The following SLC24A2 variants were observed in gnomAD, a reference collection of about 807,000 sequenced individuals.
The protein encoded by SLC24A2 is solute carrier family 24 member 2, also known as sodium/potassium/calcium exchanger 2.
SLC24A2 carries 36 observed loss-of-function variants against 62.0 expected under a neutral mutation model. The observed-to-expected ratio is 0.58, with a 90% CI of 0.44 to 0.77. SLC24A2 has a LOEUF of 0.77. Among genes scored for constraint, SLC24A2 ranks in the 30% least tolerant of loss-of-function variants. The probability of loss-of-function intolerance (pLI) is 0.00; values close to 1 mark genes in which losing one functional copy is unlikely to be tolerated. For synonymous variants in SLC24A2, 358 were observed against 294.0 expected (o/e 1.22, Z -2.23); for missense variants, 846 against 817.9 (o/e 1.03, Z -0.42).
intron 7 of SLC24A2, among the ~76,000 whole-genome samples, chr9:19,560,780 T>G (rs72700495): frequency 0.14 from 20,959 of 152,182 alleles, 1,960 homozygotes; most frequent in Non-Finnish European, 0.21. Flanking sequence ...TTGTGTTCAC[T>G]TAGTTTATTT....
At chr9:20,177,427 A>C in the SLC24A2 span, among the ~76,000 whole-genome samples, 1 of 152,112 alleles carries the variant, frequency 6.6e-6, no homozygotes, top group Non-Finnish European at 1.5e-5. Context: ...TTGTTGCAGC[A>C]GAAAAATACC....
At chr9:20,118,404 A>T in the SLC24A2 span, among the ~76,000 whole-genome samples, 11 of 152,238 alleles carry the variant, frequency 7.2e-5, no homozygotes, top group African/African-American at 2.4e-4. Context: ...AAACATTATG[A>T]AAGACGAATA....
chr9:19,836,688 A>C, the SLC24A2 span, among the ~76,000 whole-genome samples: 1 of 152,236 alleles, frequency 6.6e-6, no homozygotes, highest in African/African-American at 2.4e-5. Context: ...AAACTATTCC[A>C]ATCAACAGAA....
At chr9:20,083,855 C>G in the SLC24A2 span, among the ~76,000 whole-genome samples, 541 of 152,330 alleles carry the variant, frequency 3.6e-3, 3 homozygotes, top group African/African-American at 0.012. Context: ...AGTTCAGGCT[C>G]TCATTACCTA....
At chr9:20,170,231 C>A in the SLC24A2 span, among the ~76,000 whole-genome samples, 1 of 151,790 alleles carries the variant, frequency 6.6e-6, no homozygotes, top group Admixed American at 6.6e-5. Context: ...TATAAAAATA[C>A]TTCTAGGAAT....
the SLC24A2 span, among the ~76,000 whole-genome samples, chr9:19,881,090 C>A: frequency 6.6e-6 from 1 of 152,128 alleles, no homozygotes; most frequent in Non-Finnish European, 1.5e-5. Flanking sequence ...ATACTTAGAA[C>A]TAGGCACAAA....
At chr9:19,616,320 A>G (rs191502144) in intron 4 of SLC24A2, among the ~76,000 whole-genome samples, 10 of 152,208 alleles carry the variant, frequency 6.6e-5, no homozygotes, top group Non-Finnish European at 1.2e-4. Context: ...AATCCTTACA[A>G]TAACACTATG....
Position 19,576,961 on chromosome 9 carries a change from A to T in SLC24A2, c.1191T>A (p.Asp397Glu). 1 of 1,614,162 alleles carries T rather than the reference A, an allele frequency of 6.2e-7. No homozygotes were observed. The highest frequency in any genetic ancestry group is 8.5e-7 in the Non-Finnish European group (1 of 1,180,008). ...HKIAKKKCHV[D>E]ENERQNGAAN... Reference sequence around the variant, plus strand: ...CAGCCCCATTCTGCCTCTCGTTCTCATCCACATGACATTTCTTCTTGGCGA... The same window carrying T: ...CAGCCCCATTCTGCCTCTCGTTCTCTTCCACATGACATTTCTTCTTGGCGA... Residue 397 changes from aspartate (D) to glutamate (E), a missense_variant, in exon 6 of 11, where the codon GAT becomes GAA. Coordinates refer to ENST00000341998, the MANE Select transcript of SLC24A2 (RefSeq NM_020344.4).
At chr9:20,132,490 G>A in the SLC24A2 span, among the ~76,000 whole-genome samples, 1 of 152,034 alleles carries the variant, frequency 6.6e-6, no homozygotes, top group East Asian at 1.9e-4. Context: ...GATACAGTTC[G>A]GAGACTAGAC....
chr9:20,282,554 C>G, the SLC24A2 span, among the ~76,000 whole-genome samples: 1 of 152,150 alleles, frequency 6.6e-6, no homozygotes, highest in East Asian at 1.9e-4. Context: ...AATGCAAATT[C>G]AGGCCTGACA....
At chr9:19,789,109 C>A (rs1317966089), upstream of SLC24A2, among the ~76,000 whole-genome samples, 1 of 152,308 alleles carries the variant, frequency 6.6e-6, no homozygotes, top group East Asian at 1.9e-4. Flanking sequence ...CTGGGCTGTG[C>A]GCTGTGCGCT....
chr9:20,301,299 A>G, the SLC24A2 span, among the ~76,000 whole-genome samples: 3 of 152,210 alleles, frequency 2.0e-5, no homozygotes, highest in Non-Finnish European at 4.4e-5. Flanking sequence ...CTTCACATCC[A>G]TTGTTGTCTG....
intron 2 of SLC24A2, among the ~76,000 whole-genome samples, chr9:19,774,992 T>C (rs1009353613): frequency 1.9e-4 from 29 of 152,210 alleles, no homozygotes; most frequent in Non-Finnish European, 2.9e-4. Flanking sequence ...CCTTTCATTT[T>C]CAAAGAGAAG....
At chr9:20,134,754 A>C in the SLC24A2 span, among the ~76,000 whole-genome samples, 1 of 152,204 alleles carries the variant, frequency 6.6e-6, no homozygotes, top group Non-Finnish European at 1.5e-5. Context: ...CTGGGCCACT[A>C]AACAGTCTAG....
chr9:19,563,601 G>C (rs1020946517), intron 7 of SLC24A2, among the ~76,000 whole-genome samples: 8 of 152,156 alleles, frequency 5.3e-5, no homozygotes, highest in African/African-American at 1.7e-4. Context: ...ATCTTCCAAA[G>C]AGGGTCTAAA....
chr9:20,219,213 G>C, the SLC24A2 span, among the ~76,000 whole-genome samples: 1 of 152,178 alleles, frequency 6.6e-6, no homozygotes, highest in Non-Finnish European at 1.5e-5. Context: ...GGAGAAGGCT[G>C]TGTATACTTG....
the SLC24A2 span, among the ~76,000 whole-genome samples, chr9:20,086,174 T>A: frequency 1.3e-5 from 2 of 152,104 alleles, no homozygotes; most frequent in South Asian, 2.1e-4. Flanking sequence ...CCTTTGAACA[T>A]CTCCTCTCCA....
chr9:19,859,778 G>A, the SLC24A2 span, among the ~76,000 whole-genome samples: 1 of 152,198 alleles, frequency 6.6e-6, no homozygotes, highest in African/African-American at 2.4e-5. Context: ...GGGTGTTTCT[G>A]TGCTCTGGGG....
At chr9:19,843,338 C>G in the SLC24A2 span, among the ~76,000 whole-genome samples, 86 of 152,278 alleles carry the variant, frequency 5.6e-4, no homozygotes, top group African/African-American at 1.6e-3. Flanking sequence ...CATGTCTCTA[C>G]TAAAAATACA....
Sources: gnomAD v4.1 joint callset for allele counts (sites outside exome capture counted in the v4.1 genomes callset) on GRCh38, gnomAD v4.1.1 for gene constraint, MANE v1.5 for transcripts, NCBI Gene and HGNC (gene_info 2026-07-23, HGNC 2026-07-21) for gene names.